Variants in ALCAM observed in about 807,000 individuals in gnomAD.
The protein encoded by ALCAM is activated leukocyte cell adhesion molecule, also known as CD166 antigen.
ALCAM carries 30 observed loss-of-function variants against 70.9 expected under a neutral mutation model. The observed-to-expected ratio is 0.42, with a 90% CI of 0.32 to 0.57. ALCAM has a LOEUF of 0.57. Ranked by LOEUF, ALCAM falls within the 20% of genes least tolerant of loss-of-function variation. ALCAM has a pLI of 0.11. For missense variants in ALCAM, 591 were observed against 695.1 expected, an observed-to-expected ratio of 0.85 and a Z score of 1.68; for synonymous variants, 249 against 242.5, an observed-to-expected ratio of 1.03 and a Z score of -0.25.
chr3:105,385,424 A>C (rs1441513514), intron 1 of ALCAM, among the ~76,000 whole-genome samples: 2 of 151,514 alleles, frequency 1.3e-5, no homozygotes, highest in Non-Finnish European at 3.0e-5. Flanking sequence ...ATAAGATGAA[A>C]AGCCAGCATG....
At chr3:105,554,594 C>G (rs10933822) in intron 14 of ALCAM, among the ~76,000 whole-genome samples, 1 of 151,686 alleles carries the variant, frequency 6.6e-6, no homozygotes, top group Non-Finnish European at 1.5e-5. Flanking sequence ...ACTTGGTAAC[C>G]AATATGTTCT....
chr3:105,471,857 C>G (rs1023067539), intron 1 of ALCAM, among the ~76,000 whole-genome samples: 1 of 151,102 alleles, frequency 6.6e-6, no homozygotes, highest in African/African-American at 2.4e-5. Flanking sequence ...TCATTATTAA[C>G]GCTAGTCCCC....
intron 1 of ALCAM, among the ~76,000 whole-genome samples, chr3:105,506,777 C>T (rs955571408): frequency 7.2e-5 from 11 of 152,092 alleles, no homozygotes; most frequent in Non-Finnish European, 1.2e-4. Context: ...AAAGATGAAC[C>T]AAATGTATTA....
chr3:105,557,940 C>T (rs1940554357), intron 14 of ALCAM, among the ~76,000 whole-genome samples: 1 of 152,032 alleles, frequency 6.6e-6, no homozygotes, highest in South Asian at 2.1e-4. Context: ...ACTATTTATT[C>T]TTCTCTATTT....
intron 1 of ALCAM, among the ~76,000 whole-genome samples, chr3:105,412,723 C>G (rs747645238): frequency 1.6e-4 from 24 of 152,116 alleles, no homozygotes; most frequent in Non-Finnish European, 2.8e-4. Flanking sequence ...TTTTGTTTAA[C>G]TTAAGAAAAA....
intron 1 of ALCAM, among the ~76,000 whole-genome samples, chr3:105,379,356 G>T (rs1935455324): frequency 6.6e-6 from 1 of 151,746 alleles, no homozygotes; most frequent in South Asian, 2.1e-4. Flanking sequence ...AAACTGAAAA[G>T]TATATTTTAT....
rs186803013 is a variant in ALCAM, at chr3:105,504,079, A to G, written c.74-15988A>G. ...AGCAACTTATACTTATTAATTTAGT[A>G]TATTCATGATAACACTATGAGCATG... On this transcript the variant is annotated intron_variant, in intron 1 of 15. Transcript: ENST00000306107. Among the ~76,000 whole-genome samples the G allele has an allele frequency of 2.3e-3, 347 of 152,332 alleles. 4 individuals carry two copies. Among genetic ancestry groups the G allele is most frequent in the African/African-American group, 7.9e-3 (327 of 41,562 alleles).
intron 14 of ALCAM, among the ~76,000 whole-genome samples, chr3:105,561,389 C>T (rs1008067403): frequency 3.3e-5 from 5 of 152,046 alleles, no homozygotes; most frequent in Non-Finnish European, 7.4e-5. Context: ...TTTTTTGGCA[C>T]TCATAGGCAC....
chr3:105,369,343 A>G (rs755439578), intron 1 of ALCAM, among the ~76,000 whole-genome samples: 4 of 152,164 alleles, frequency 2.6e-5, no homozygotes, highest in African/African-American at 7.2e-5. Context: ...TTGGCGCCAC[A>G]GGCTCGTGTG....
intron 1 of ALCAM, among the ~76,000 whole-genome samples, chr3:105,457,858 C>T (rs1027289957): frequency 6.6e-6 from 1 of 152,086 alleles, no homozygotes; most frequent in Admixed American, 6.5e-5. Context: ...CTGGAATGTC[C>T]TTCCACCACT....
chr3:105,462,800 T>C (rs1247884453), intron 1 of ALCAM, among the ~76,000 whole-genome samples: 1 of 151,452 alleles, frequency 6.6e-6, no homozygotes, highest in Non-Finnish European at 1.5e-5. Context: ...ATACGATATA[T>C]GTACTTACAA....
At chr3:105,532,661 A>G (rs1211427354) in intron 4 of ALCAM, among the ~76,000 whole-genome samples, 3 of 152,162 alleles carry the variant, frequency 2.0e-5, no homozygotes, top group Non-Finnish European at 4.4e-5. Flanking sequence ...CACCAAGCCA[A>G]AGGTAGAAAT....
At chr3:105,527,207 C>T (rs1939727119) in intron 3 of ALCAM, among the ~76,000 whole-genome samples, 1 of 152,084 alleles carries the variant, frequency 6.6e-6, no homozygotes, top group African/African-American at 2.4e-5. Flanking sequence ...TAAAACCATT[C>T]AGAAGCAAGT....
chr3:105,387,521 TAAGA>T (rs1354752427), intron 1 of ALCAM, among the ~76,000 whole-genome samples: 1 of 151,558 alleles, frequency 6.6e-6, no homozygotes, highest in Non-Finnish European at 1.5e-5. Context: ...AACAATACAA[TAAGA>T]AAGAATTTAA....
Position 105,532,042 on chromosome 3 carries a change from T to A in ALCAM, c.435T>A (p.Phe145Leu). ...CTGAAATTGTAAGCAAAGCACTGTT[T>A]CTCGAAACAGAGCAGCTAAAAAAGG... ...SKPEIVSKAL[F>L]LETEQLKKLG... is the part of the protein sequence containing the mutation. Residue 145 changes from phenylalanine (F) to leucine (L), a missense_variant, in exon 4 of 16, where the codon TTT (phenylalanine) becomes TTA (leucine). Around this residue, in one of 2 missense-constraint regions of ALCAM, gnomAD observed 427 missense variants for 450.4 expected, o/e 0.95. Coordinates refer to ENST00000306107, the MANE Select transcript of ALCAM (RefSeq NM_001627.4). 3.7e-6 allele frequency: 6 copies of A among 1,613,466 alleles called. No homozygotes were observed. The highest frequency in any genetic ancestry group is 5.1e-6 in the Non-Finnish European group (6 of 1,179,710).
chr3:105,573,524 G>T (rs1441413166), intron 15 of ALCAM, among the ~76,000 whole-genome samples: 1 of 152,052 alleles, frequency 6.6e-6, no homozygotes, highest in East Asian at 1.9e-4. Context: ...GTATCTATAT[G>T]CACATATGTA....
At chr3:105,564,277 A>G (rs903605301) in intron 14 of ALCAM, among the ~76,000 whole-genome samples, 3 of 152,234 alleles carry the variant, frequency 2.0e-5, no homozygotes, top group Non-Finnish European at 4.4e-5. Context: ...TAACAAGCAT[A>G]CACTTCTATT....
At chr3:105,495,116 C>T (rs1420896628) in intron 1 of ALCAM, among the ~76,000 whole-genome samples, 1 of 152,202 alleles carries the variant, frequency 6.6e-6, no homozygotes. Flanking sequence ...AAGCTTTGAA[C>T]ATTTTATAAA....
intron 1 of ALCAM, among the ~76,000 whole-genome samples, chr3:105,459,039 G>A (rs1275386730): frequency 6.6e-6 from 1 of 152,042 alleles, no homozygotes; most frequent in Admixed American, 6.6e-5. Context: ...GCATTGTGTT[G>A]GATGCTTAAC....
Sources: gnomAD v4.1 joint callset for allele counts (sites outside exome capture counted in the v4.1 genomes callset) on GRCh38, gnomAD v4.1.1 for gene constraint, gnomAD v4.1.1 regional missense constraint, MANE v1.5 for transcripts, NCBI Gene and HGNC (gene_info 2026-07-23, HGNC 2026-07-21) for gene names.